Variants in KDM5A observed in about 807,000 individuals in gnomAD.
KDM5A encodes the protein lysine-specific demethylase 5A.
KDM5A carries 42 observed loss-of-function variants against 193.5 expected under a neutral mutation model. The ratio of observed to expected loss-of-function variants is 0.22; its 90% confidence interval spans 0.17 to 0.28. The LOEUF is 0.28. Ranked by LOEUF, KDM5A falls within the 10% of genes least tolerant of loss-of-function variation. KDM5A has a pLI of 1.00. For synonymous variants in KDM5A, 796 were observed against 718.1 expected (o/e 1.11, Z -1.73); for missense variants, 1,692 against 2,055.1 (o/e 0.82, Z 3.42).
chr12:387,607 G>A (rs1393603648), intron 1 of KDM5A, among the ~76,000 whole-genome samples: 1 of 152,140 alleles, frequency 6.6e-6, no homozygotes, highest in African/African-American at 2.4e-5. Flanking sequence ...ATTCAACATA[G>A]TGAGAGCATT....
At chr12:349,283 G>A (rs1362310453) in intron 10 of KDM5A, among the ~76,000 whole-genome samples, 1 of 150,284 alleles carries the variant, frequency 6.7e-6, no homozygotes, top group Non-Finnish European at 1.5e-5. Flanking sequence ...GCCTCCCAAA[G>A]TGCTGGGATT....
At chr12:347,928 T>C (rs1209546158) in intron 10 of KDM5A, among the ~76,000 whole-genome samples, 1 of 152,142 alleles carries the variant, frequency 6.6e-6, no homozygotes, top group Admixed American at 6.5e-5. Context: ...CTAATTAAAC[T>C]GAAGAGCTTC....
chr12:320,861 C>A, intron 18 of KDM5A, 134 bp downstream of exon 18: 1 of 707,342 alleles, frequency 1.4e-6, no homozygotes, highest in Non-Finnish European at 2.6e-6. Flanking sequence ...TAAAGAACCT[C>A]AAATAGCAGC....
At chr12:334,536 C>A in intron 10 of KDM5A, 114 bp from the exon 11 acceptor site, 1 of 750,214 alleles carries the variant, frequency 1.3e-6, no homozygotes, top group South Asian at 1.5e-5. Context: ...TAGTCTAGTG[C>A]ATACAATCTG....
intron 2 of KDM5A, among the ~76,000 whole-genome samples, chr12:385,457 T>C (rs1294913525): frequency 6.6e-6 from 1 of 151,972 alleles, no homozygotes; most frequent in Non-Finnish European, 1.5e-5. Flanking sequence ...ATACTTAAAA[T>C]CTTAATAAAT....
intron 10 of KDM5A, 51 bp from the exon 11 acceptor site, chr12:334,473 C>A: frequency 6.7e-7 from 1 of 1,502,000 alleles, no homozygotes; most frequent in South Asian, 1.1e-5. Context: ...GAAAAGTGCT[C>A]AATAGAAATG....
intron 3 of KDM5A, among the ~76,000 whole-genome samples, chr12:381,741 T>A (rs1029330124): frequency 5.3e-5 from 8 of 152,166 alleles, no homozygotes; most frequent in Non-Finnish European, 1.2e-4. Flanking sequence ...CTTCCCAAAT[T>A]TTTTAGTAAG....
Position 295,589 on chromosome 12 carries a change from A to G in KDM5A, c.4439T>C (p.Phe1480Ser), listed in dbSNP as rs573230192. Residue 1480 changes from phenylalanine (F) to serine (S), a missense_variant, in exon 26 of 28, where the codon TTC becomes TCC. Transcript: ENST00000399788. Reference sequence around the variant, plus strand: ...AATCCACACCTCCATGATATGCAAGAATCTGTCTTCAGAGGGTGGGTGTGT... The same window carrying G: ...AATCCACACCTCCATGATATGCAAGGATCTGTCTTCAGAGGGTGGGTGTGT... ...QATHPPSEDR[F>S]LHIMEDDSME... 6.2e-7 allele frequency: 1 copy of G among 1,614,014 alleles called. No individual in the cohort carries two copies. The highest frequency in any genetic ancestry group is 8.5e-7 in the Non-Finnish European group (1 of 1,179,862).
chr12:359,857 G>A (rs572730308), intron 5 of KDM5A, among the ~76,000 whole-genome samples: 2 of 151,042 alleles, frequency 1.3e-5, no homozygotes, highest in South Asian at 4.2e-4. Flanking sequence ...AGGGAGGGAG[G>A]AAACAAGGAA....
At chr12:348,975 T>G (rs1267851163) in intron 10 of KDM5A, among the ~76,000 whole-genome samples, 1 of 149,178 alleles carries the variant, frequency 6.7e-6, no homozygotes, top group African/African-American at 2.5e-5. Context: ...AAACACGCAT[T>G]CAGTGAGGTG....
At chr12:343,238 G>A (rs1170240763) in intron 10 of KDM5A, among the ~76,000 whole-genome samples, 1 of 152,236 alleles carries the variant, frequency 6.6e-6, no homozygotes, top group Non-Finnish European at 1.5e-5. Context: ...GTCCACCATT[G>A]CTGAGGCTTG....
chr12:387,584 C>T (rs1944653304), intron 1 of KDM5A, among the ~76,000 whole-genome samples: 1 of 152,146 alleles, frequency 6.6e-6, no homozygotes, highest in Admixed American at 6.5e-5. Context: ...AGTCTATAAC[C>T]TTAAACAAAG....
At chr12:338,345 A>G (rs1336207427) in intron 10 of KDM5A, among the ~76,000 whole-genome samples, 1 of 152,216 alleles carries the variant, frequency 6.6e-6, no homozygotes, top group Non-Finnish European at 1.5e-5. Context: ...ACTAGGCCCC[A>G]ATAACAGCCT....
At position 307,107 on chromosome 12, in the gene KDM5A, C is replaced by T; in HGVS notation, c.3931-18G>A. 1.2e-6 allele frequency: 2 copies of T among 1,613,976 alleles called. No homozygotes were observed. Among genetic ancestry groups the T allele is most frequent in the Non-Finnish European group, 1.7e-6 (2 of 1,179,942 alleles). ...AAGTGTCCCTAAACAACAAATAATT[C>T]CAAGATGAACAGCAAGACATGCTAA... On this transcript the variant is annotated intron_variant, in intron 23 of 27. Coordinates refer to ENST00000399788, the MANE Select transcript of KDM5A (RefSeq NM_001042603.3). The surrounding 1 kb of genome is among the most constrained non-coding windows in gnomAD (Gnocchi z 4.3).
intron 4 of KDM5A, among the ~76,000 whole-genome samples, chr12:363,694 A>G (rs1442945127): frequency 1.3e-5 from 2 of 152,200 alleles, no homozygotes; most frequent in African/African-American, 2.4e-5. Flanking sequence ...TAAAGCAAAG[A>G]AGAAAATCTT....
chr12:388,780 G>A lies in KDM5A; in HGVS notation c.165+147C>T, dbSNP rs1451331696. 4.9e-6 allele frequency: 5 copies of A among 1,028,578 alleles called. No individual in the cohort carries two copies. In the African/African-American group the frequency reaches 6.4e-5, roughly 13 times the overall value. The allele number at this position is 1,028,578 out of a possible 1,614,324, so 63.7% of individuals were successfully genotyped here. A position where few individuals can be genotyped will look rare whatever the true frequency, so the allele number is the denominator to read the frequency against. On this transcript the variant is annotated intron_variant, in intron 1 of 27. Coordinates refer to ENST00000399788, the MANE Select transcript of KDM5A (RefSeq NM_001042603.3). ...TCTACATAAGACCACAAAAGAAACC[G>A]AGGCAAAAACATCCAGAAACAGGCT...
intron 27 of KDM5A, among the ~76,000 whole-genome samples, chr12:286,845 T>C (rs1943224873): frequency 6.6e-6 from 1 of 152,208 alleles, no homozygotes; most frequent in South Asian, 2.1e-4. Context: ...GATATTCTAC[T>C]TGTTTTGTTC....
In KDM5A at chr12:323,539, T is replaced by TAAAGTA. The variant is rs1482346625; in HGVS notation, c.2150+60_2150+61insTACTTT. The TAAAGTA allele has an allele frequency of 3.8e-5, 56 of 1,466,550 alleles. No individual in the cohort carries two copies. In the African/African-American group the frequency reaches 7.2e-4, roughly 19 times the overall value. 90.8% of individuals were successfully genotyped at this position (1,466,550 alleles called of 1,614,324 possible). ...AGTAAAGTAAGGGAATAAGTAAAAA[T>TAAAGTA]AACATTAAAACTTGGTTTTAAAAAA... On this transcript the variant is annotated intron_variant, in intron 15 of 27. Transcript: ENST00000399788.
intron 21 of KDM5A, 151 bp from the exon 22 acceptor site, chr12:310,115 A>G (rs1943565335): frequency 1.4e-6 from 1 of 716,618 alleles, no homozygotes. Flanking sequence ...TCCTCACAAC[A>G]ACCCTATGTA....
Sources: allele counts gnomAD v4.1 joint callset (sites outside exome capture counted in the v4.1 genomes callset), GRCh38; gene constraint gnomAD v4.1.1; non-coding constraint Gnocchi (gnomAD v3.1); transcripts MANE v1.5; gene names NCBI Gene and HGNC (gene_info 2026-07-23, HGNC 2026-07-21).